Variants in KCNJ15 observed in about 807,000 individuals in gnomAD.
KCNJ15 encodes ATP-sensitive inward rectifier potassium channel 15.
Under a neutral mutation model 23.0 loss-of-function variants are expected in KCNJ15, and 14 were observed. The observed-to-expected ratio is 0.61, with a 90% CI of 0.40 to 0.95. KCNJ15 has a LOEUF of 0.95. Ranked by LOEUF, KCNJ15 falls within the 40% of genes least tolerant of loss-of-function variation. The pLI, the probability that KCNJ15 is intolerant of heterozygous loss-of-function variation, is 0.00. For synonymous variants in KCNJ15, 185 were observed against 183.2 expected (o/e 1.01, Z -0.08); for missense variants, 388 against 461.8 (o/e 0.84, Z 1.46).
At chr21:38,234,932 A>G (rs1324525682) in intron 1 of KCNJ15, among the ~76,000 whole-genome samples, 1 of 152,242 alleles carries the variant, frequency 6.6e-6, no homozygotes, top group African/African-American at 2.4e-5. Flanking sequence ...TCAGGTACAG[A>G]CAATACCTGT....
Position 38,289,393 on chromosome 21 carries a change from TAGTG to T in KCNJ15, c.-116-7526_-116-7523del, listed in dbSNP as rs1449778077. Among the ~76,000 whole-genome samples, 5 of 152,066 alleles carry T rather than the reference TAGTG, an allele frequency of 3.3e-5. No individual in the cohort carries two copies. The South Asian group carries it at 1.0e-3, about 32-fold the overall frequency. On this transcript the variant is annotated intron_variant, in intron 1 of 2. Coordinates refer to ENST00000398938, the MANE Select transcript of KCNJ15 (RefSeq NM_170736.3). ...AGGTTTGGACTAATCCAGACAAAAA[TAGTG>T]AGTGAGATTCCACTAGCCTGTTGAA...
At chr21:38,247,154 A>C (rs1979454996) in intron 1 of KCNJ15, among the ~76,000 whole-genome samples, 1 of 147,818 alleles carries the variant, frequency 6.8e-6, no homozygotes, top group East Asian at 2.0e-4. Flanking sequence ...GGATGGATGC[A>C]TGGATGTATA....
rs1370241185 is a variant in KCNJ15, at chr21:38,299,813, A to T, written c.552A>T (p.Ala184=). The change falls in exon 3 of 3, where the codon GCA becomes GCT. Residue 184 remains alanine, a synonymous_variant. Coordinates refer to ENST00000398938, the MANE Select transcript of KCNJ15 (RefSeq NM_170736.3). The surrounding 1 kb of genome is among the most constrained non-coding windows in gnomAD (Gnocchi z 4.5). ...RAETIKFSHC[A]VITKQNGKLC... is the part of the protein sequence containing the mutation. Reference sequence around the variant, plus strand: ...AGACCATCAAGTTCAGCCACTGTGCAGTCATCACCAAGCAGAATGGGAAGC... The same window carrying T: ...AGACCATCAAGTTCAGCCACTGTGCTGTCATCACCAAGCAGAATGGGAAGC... The T allele has an allele frequency of 6.2e-7, 1 of 1,614,144 alleles. No homozygotes were observed. Among genetic ancestry groups the T allele is most frequent in the Non-Finnish European group, 8.5e-7 (1 of 1,180,024 alleles).
chr21:38,285,328 T>C (rs1364267019), intron 1 of KCNJ15, among the ~76,000 whole-genome samples: 1 of 152,214 alleles, frequency 6.6e-6, no homozygotes, highest in African/African-American at 2.4e-5. Flanking sequence ...ATACTAATCA[T>C]ACGAGCAGGC....
At chr21:38,253,234 G>A (rs547331032), upstream of KCNJ15, among the ~76,000 whole-genome samples, 9 of 152,208 alleles carry the variant, frequency 5.9e-5, no homozygotes, top group South Asian at 1.0e-3. Context: ...AATTGCCTGC[G>A]CATTTTTGTC....
At position 38,306,868 on chromosome 21, in the gene KCNJ15, G is replaced by A. The variant is rs1386444933; in HGVS notation, c.*6479G>A. On this transcript the variant is annotated 3_prime_UTR_variant, in exon 3 of 3. Coordinates refer to ENST00000398938, the MANE Select transcript of KCNJ15 (RefSeq NM_170736.3). ...TTAATGAAATTCATGGGAATGTTATGGTGATGGAAATCCCAAATGACATGT... is the reference window on the plus strand; with the variant it reads ...TTAATGAAATTCATGGGAATGTTATAGTGATGGAAATCCCAAATGACATGT... The A allele has an allele frequency of 6.6e-6, 1 of 152,202 alleles. No homozygotes were observed. The highest frequency in any genetic ancestry group is 1.5e-5 in the Non-Finnish European group (1 of 68,030). 9.4% of individuals were successfully genotyped at this position (152,202 alleles called of 1,614,324 possible).
chr21:38,255,174 A>G (rs894481863), upstream of KCNJ15, among the ~76,000 whole-genome samples: 8 of 152,200 alleles, frequency 5.3e-5, no homozygotes, highest in African/African-American at 1.9e-4. Context: ...ACCAGATCAG[A>G]TAAGGACCTC....
At chr21:38,282,488 A>G (rs2123683013) in intron 1 of KCNJ15, among the ~76,000 whole-genome samples, 2 of 152,314 alleles carry the variant, frequency 1.3e-5, no homozygotes, top group Admixed American at 1.3e-4. Flanking sequence ...ATTGTGGCAT[A>G]TTCTTTGTGC....
At chr21:38,287,512 A>G (rs558409880) in intron 1 of KCNJ15, among the ~76,000 whole-genome samples, 1 of 152,390 alleles carries the variant, frequency 6.6e-6, no homozygotes, top group Admixed American at 6.5e-5. Context: ...GTACATATGT[A>G]TCTCTGAATT....
chr21:38,279,906 G>T (rs1272566878), intron 1 of KCNJ15, among the ~76,000 whole-genome samples: 1 of 152,146 alleles, frequency 6.6e-6, no homozygotes, highest in Non-Finnish European at 1.5e-5. Context: ...TTCAACTGGG[G>T]TCCCACTCTC....
chr21:38,284,866 TC>T (rs1281956406), intron 1 of KCNJ15, among the ~76,000 whole-genome samples: 1 of 152,240 alleles, frequency 6.6e-6, no homozygotes, highest in Non-Finnish European at 1.5e-5. Context: ...TGCTAGTCTC[TC>T]ATCTATCCTT....
Position 38,300,243 on chromosome 21 carries a change from A to G in KCNJ15, c.982A>G (p.Ser328Gly). 6.2e-7 allele frequency: 1 copy of G among 1,614,224 alleles called. No individual in the cohort carries two copies. Among genetic ancestry groups the G allele is most frequent in the Non-Finnish European group, 8.5e-7 (1 of 1,180,038 alleles). Residue 328 changes from serine to glycine, a missense_variant, in exon 3 of 3, where the codon AGT (serine) becomes GGT (glycine). Physicochemically the swap from Ser to Gly is moderately conservative, Grantham distance 56. Coordinates refer to ENST00000398938, the MANE Select transcript of KCNJ15 (RefSeq NM_170736.3). ...AAATGGAAAATATGTGGCTGATTTCAGTCAGTTTGAACAGATTCGGAAAAG... is the reference window on the plus strand; with the variant it reads ...AAATGGAAAATATGTGGCTGATTTCGGTCAGTTTGAACAGATTCGGAAAAG... ...SKNGKYVADF[S>G]QFEQIRKSPD...
At chr21:38,232,364 T>G (rs1160211163) in intron 1 of KCNJ15, among the ~76,000 whole-genome samples, 2 of 151,874 alleles carry the variant, frequency 1.3e-5, no homozygotes, top group Non-Finnish European at 3.0e-5. Flanking sequence ...AAGCTGAAAT[T>G]TGGTCAACTG....
intron 1 of KCNJ15, among the ~76,000 whole-genome samples, chr21:38,264,402 C>A (rs1431941406): frequency 1.3e-5 from 2 of 152,180 alleles, no homozygotes; most frequent in Non-Finnish European, 2.9e-5. Flanking sequence ...ATAGCTGGTT[C>A]GCCCTGCTTG....
At chr21:38,279,044 T>C (rs2123672968) in intron 1 of KCNJ15, among the ~76,000 whole-genome samples, 1 of 152,318 alleles carries the variant, frequency 6.6e-6, no homozygotes, top group East Asian at 1.9e-4. Flanking sequence ...ACCAAGGCAG[T>C]GTCACCCAAG....
Position 38,247,101 on chromosome 21 carries a change from CATGGATGGATGGATGGATGGATGG to C in KCNJ15, c.-398-9941_-398-9918del, listed in dbSNP as rs1251368471. Among the ~76,000 whole-genome samples, 551 of 70,246 alleles carry C rather than the reference CATGGATGGATGGATGGATGGATGG, an allele frequency of 7.8e-3. 4 individuals are homozygous for C. The highest frequency in any genetic ancestry group is 0.032 in the African/African-American group (503 of 15,898). 46.1% of individuals were successfully genotyped at this position (70,246 alleles called of 152,430 possible). On this transcript the variant is annotated intron_variant, in intron 1 of 4. Coordinates refer to the KCNJ15 transcript ENST00000547341. ...GGATGGATGGATGGATGGATGGATG[CATGGATGGATGGATGGATGGATGG>C]ATGCATGGATGGATGGATGGATGGA...
chr21:38,272,812 A>C (rs1301232311), intron 1 of KCNJ15, among the ~76,000 whole-genome samples: 1 of 152,206 alleles, frequency 6.6e-6, no homozygotes, highest in Non-Finnish European at 1.5e-5. Flanking sequence ...ATGAGATTGC[A>C]AATAAAAATA....
chr21:38,282,162 T>C (rs1239989177), intron 1 of KCNJ15, among the ~76,000 whole-genome samples: 1 of 152,156 alleles, frequency 6.6e-6, no homozygotes, highest in Non-Finnish European at 1.5e-5. Context: ...ATGGATTCAT[T>C]TTAAAATATG....
At chr21:38,245,715 AAGAGAG>A (rs74265586) in intron 1 of KCNJ15, among the ~76,000 whole-genome samples, 1 of 151,906 alleles carries the variant, frequency 6.6e-6, no homozygotes, top group Non-Finnish European at 1.5e-5. Flanking sequence ...GAAAGAAAGA[AAGAGAG>A]AGAAAGAGAA....
Sources: allele counts gnomAD v4.1 joint callset (sites outside exome capture counted in the v4.1 genomes callset), GRCh38; gene constraint gnomAD v4.1.1; non-coding constraint Gnocchi (gnomAD v3.1); transcripts MANE v1.5; gene names NCBI Gene and HGNC (gene_info 2026-07-23, HGNC 2026-07-21).